Variants in CTNND2 observed in about 807,000 individuals in gnomAD.
The protein encoded by CTNND2 is catenin delta 2, also known as catenin delta-2.
In CTNND2, 22 loss-of-function variants were observed where a neutral mutation model predicts 144.4. The ratio of observed to expected loss-of-function variants is 0.15; its 90% CI spans 0.11 to 0.22. The LOEUF (loss-of-function observed/expected upper bound fraction) is 0.22. CTNND2 is among the 10% of genes least tolerant of loss of function. The probability of loss-of-function intolerance (pLI) is 1.00; values close to 1 mark genes in which losing one functional copy is unlikely to be tolerated. For synonymous variants in CTNND2, 751 were observed against 695.6 expected, an observed-to-expected ratio of 1.08 and a Z score of -1.25; for missense variants, 1,353 against 1,618.8, an observed-to-expected ratio of 0.84 and a Z score of 2.82.
At chr5:11,532,481 T>A (rs1773834125) in intron 3 of CTNND2, among the ~76,000 whole-genome samples, 1 of 152,172 alleles carries the variant, frequency 6.6e-6, no homozygotes, top group Non-Finnish European at 1.5e-5. Context: ...TTTAAAATAC[T>A]CTCTCAATAA....
chr5:11,848,156 A>G (rs200056060), intron 1 of CTNND2, among the ~76,000 whole-genome samples: 1 of 152,096 alleles, frequency 6.6e-6, no homozygotes, highest in East Asian at 1.9e-4. Context: ...ATTCAACAAT[A>G]TTAAAATATT....
chr5:11,205,754 GA>G (rs1308701181), intron 10 of CTNND2, among the ~76,000 whole-genome samples: 5 of 152,142 alleles, frequency 3.3e-5, no homozygotes, highest in African/African-American at 1.2e-4. Context: ...TTATTTTTGA[GA>G]ATCTCTCTCC....
chr5:11,523,725 T>C (rs1429743460), intron 3 of CTNND2, among the ~76,000 whole-genome samples: 2 of 152,240 alleles, frequency 1.3e-5, no homozygotes, highest in South Asian at 2.1e-4. Context: ...CCTGCTCTTA[T>C]GGCTCTCTTT....
chr5:11,829,862 C>CT (rs1220645543), intron 1 of CTNND2, among the ~76,000 whole-genome samples: 5 of 152,178 alleles, frequency 3.3e-5, no homozygotes, highest in African/African-American at 1.2e-4. Flanking sequence ...CAAAGTAAGC[C>CT]TGGGAAAGCA....
intron 7 of CTNND2, among the ~76,000 whole-genome samples, chr5:11,366,607 C>T (rs1260416847): frequency 6.6e-6 from 1 of 152,014 alleles, no homozygotes; most frequent in Non-Finnish European, 1.5e-5. Context: ...GTACAGTATG[C>T]TTTGAGTTCC....
intron 1 of CTNND2, among the ~76,000 whole-genome samples, chr5:11,847,758 T>C (rs986448176): frequency 6.6e-6 from 1 of 152,074 alleles, no homozygotes; most frequent in African/African-American, 2.4e-5. Flanking sequence ...TATAATTACA[T>C]GTCAATTATA....
chr5:11,150,555 A>C (rs949731940), intron 12 of CTNND2, among the ~76,000 whole-genome samples: 1 of 151,292 alleles, frequency 6.6e-6, no homozygotes, highest in South Asian at 2.1e-4. Context: ...CACAGATAGC[A>C]TCCAGCTCTG....
intron 11 of CTNND2, among the ~76,000 whole-genome samples, chr5:11,182,066 G>C (rs1183272005): frequency 1.4e-5 from 2 of 142,026 alleles, no homozygotes; most frequent in Non-Finnish European, 3.1e-5. Context: ...TGGGGGGTGT[G>C]TGTGGTGTGT....
intron 11 of CTNND2, among the ~76,000 whole-genome samples, chr5:11,177,632 G>A (rs1269284305): frequency 6.6e-6 from 1 of 151,972 alleles, no homozygotes; most frequent in Non-Finnish European, 1.5e-5. Context: ...GAAATTTTGA[G>A]GAACTTTTTT....
intron 13 of CTNND2, among the ~76,000 whole-genome samples, chr5:11,115,539 C>T (rs923170863): frequency 5.9e-5 from 9 of 152,290 alleles, no homozygotes; most frequent in Admixed American, 5.9e-4. Flanking sequence ...CTAACAAGCA[C>T]TTGTAAATAT....
intron 1 of CTNND2, among the ~76,000 whole-genome samples, chr5:11,825,890 T>C (rs1044090548): frequency 2.0e-5 from 3 of 151,924 alleles, no homozygotes; most frequent in Non-Finnish European, 4.4e-5. Context: ...CTAGTGGAAA[T>C]AAACAATAAA....
At chr5:11,253,483 GT>G (rs1743880101) in intron 9 of CTNND2, among the ~76,000 whole-genome samples, 1 of 152,144 alleles carries the variant, frequency 6.6e-6, no homozygotes, top group South Asian at 2.1e-4. Flanking sequence ...TTTTGTAGCA[GT>G]TTTCCCCTTT....
intron 7 of CTNND2, among the ~76,000 whole-genome samples, chr5:11,377,064 T>G (rs1758011354): frequency 6.6e-6 from 1 of 151,836 alleles, no homozygotes; most frequent in Non-Finnish European, 1.5e-5. Flanking sequence ...CCTTTTTTTT[T>G]TTTTGAGAAG....
intron 2 of CTNND2, among the ~76,000 whole-genome samples, chr5:11,572,052 G>A (rs1371316962): frequency 1.3e-5 from 2 of 152,106 alleles, no homozygotes; most frequent in Non-Finnish European, 2.9e-5. Context: ...AGGAAGCAGG[G>A]GTTAACACAA....
At position 11,152,843 on chromosome 5, in the gene CTNND2, C is replaced by T. The variant is rs148948388; in HGVS notation, c.2159+6733G>A. Among the ~76,000 whole-genome samples the T allele has an allele frequency of 1.5e-3, 234 of 152,296 alleles. 1 individual carries two copies. Among genetic ancestry groups the T allele is most frequent in the African/African-American group, 1.5e-3 (64 of 41,572 alleles). On this transcript the variant is annotated intron_variant, in intron 12 of 21. Transcript: ENST00000304623. ...ACACACTGATCAGGACTAAGCTGCCCGGCCAGGAGCTTCCTCTGCTCTAGG... is the reference window on the plus strand; with the variant it reads ...ACACACTGATCAGGACTAAGCTGCCTGGCCAGGAGCTTCCTCTGCTCTAGG...
chr5:11,762,715 C>T (rs138879152), intron 1 of CTNND2, among the ~76,000 whole-genome samples: 2 of 152,284 alleles, frequency 1.3e-5, no homozygotes, highest in African/African-American at 4.8e-5. Context: ...TTGCCTGGAG[C>T]AGCTCTGTAC....
chr5:11,066,864 T>C (rs1402847741), intron 16 of CTNND2, among the ~76,000 whole-genome samples: 4 of 152,176 alleles, frequency 2.6e-5, no homozygotes, highest in Non-Finnish European at 5.9e-5. Context: ...GACCAGAGAA[T>C]TACTCCTTGG....
At chr5:11,335,468 G>A (rs1350961392) in intron 9 of CTNND2, among the ~76,000 whole-genome samples, 2 of 152,140 alleles carry the variant, frequency 1.3e-5, no homozygotes, top group African/African-American at 4.8e-5. Context: ...ATCAAAACTG[G>A]TTTGCACATG....
At chr5:11,795,692 C>A (rs1791363479) in intron 1 of CTNND2, among the ~76,000 whole-genome samples, 1 of 152,172 alleles carries the variant, frequency 6.6e-6, no homozygotes, top group Admixed American at 6.5e-5. Context: ...ACAAAGATTT[C>A]TTGGGAAGGA....
Sources: gnomAD v4.1 joint callset for allele counts (sites outside exome capture counted in the v4.1 genomes callset) on GRCh38, gnomAD v4.1.1 for gene constraint, MANE v1.5 for transcripts, NCBI Gene and HGNC (gene_info 2026-07-23, HGNC 2026-07-21) for gene names.